The following SLC25A30 variants were observed in gnomAD, a reference collection of about 807,000 sequenced individuals.
SLC25A30 encodes the protein solute carrier family 25 member 30, also known as kidney mitochondrial carrier protein 1.
A neutral mutation model predicts 42.7 loss-of-function variants in SLC25A30; 29 were observed. The ratio of observed to expected loss-of-function variants is 0.68; its 90% CI spans 0.51 to 0.93. The LOEUF (loss-of-function observed/expected upper bound fraction) is 0.93, where lower values mean the gene tolerates loss of function less well. SLC25A30 is among the 40% of genes least tolerant of loss of function. The pLI, the probability that SLC25A30 is intolerant of heterozygous loss-of-function variation, is 0.00. For missense variants in SLC25A30, 300 were observed against 359.7 expected, an observed-to-expected ratio of 0.83 and a Z score of 1.34; for synonymous variants, 124 against 131.0, an observed-to-expected ratio of 0.95 and a Z score of 0.37.
At position 45,395,721 on chromosome 13, in the gene SLC25A30, A is replaced by G. The variant is rs576928712; in HGVS notation, c.*253T>C. On this transcript the variant is annotated 3_prime_UTR_variant, in exon 10 of 10. Transcript: ENST00000519676. ...CTTTAGCAAGAAACATGCATTTCAC[A>G]TATTATCTTTGATGTTGAAGGGCAC... 5.0e-5 allele frequency: 69 copies of G among 1,380,186 alleles called. No individual in the cohort carries two copies. Among genetic ancestry groups the G allele is most frequent in the Non-Finnish European group, 5.6e-5 (60 of 1,064,930 alleles). 85.5% of individuals were successfully genotyped at this position (1,380,186 alleles called of 1,614,324 possible).
Position 45,402,251 on chromosome 13 carries a change from G to C in SLC25A30, c.489+24C>G, listed in dbSNP as rs1446901858. ...AAGGAAAAAAGAACTAAATAAATCA[G>C]TTCGATCCATCCTTCTGGCTTACCT... On this transcript the variant is annotated intron_variant, in intron 6 of 9. Transcript: ENST00000519676. 3 of 1,556,880 alleles carry C rather than the reference G, an allele frequency of 1.9e-6. No individual in the cohort carries two copies. The African/African-American group carries it at 4.1e-5, about 21-fold the overall frequency.
At chr13:45,418,171 G>T (rs1883708336) in intron 1 of SLC25A30, 129 bp downstream of exon 1, 1 of 152,588 alleles carries the variant, frequency 6.6e-6, no homozygotes, top group South Asian at 2.1e-4. Context: ...GAGAGCACAG[G>T]CAGCCCCGAG....
chr13:45,425,234 T>TGTACGTATA, the SLC25A30 span, among the ~76,000 whole-genome samples: 1 of 103,102 alleles, frequency 9.7e-6, no homozygotes, highest in African/African-American at 4.1e-5. Flanking sequence ...ATATAAATAT[T>TGTACGTATA]TATACATATA....
chr13:45,423,886 T>A, the SLC25A30 span, among the ~76,000 whole-genome samples: 170 of 77,710 alleles, frequency 2.2e-3, 4 homozygotes, highest in Non-Finnish European at 3.1e-3. Flanking sequence ...TATAAAAATA[T>A]ATATATAAAT....
chr13:45,425,257 CG>C, the SLC25A30 span, among the ~76,000 whole-genome samples: 5 of 96,378 alleles, frequency 5.2e-5, no homozygotes, highest in Non-Finnish European at 7.3e-5. Flanking sequence ...AATATATATA[CG>C]TATATATACG....
the SLC25A30 span, among the ~76,000 whole-genome samples, chr13:45,424,158 T>TA: frequency 5.9e-4 from 59 of 99,234 alleles, 1 homozygote; most frequent in African/African-American, 2.5e-3. Flanking sequence ...AGTATATATA[T>TA]AGAAATATAT....
At chr13:45,397,771 C>T (rs1029137653) in intron 8 of SLC25A30, 3 of 357,680 alleles carry the variant, frequency 8.4e-6, no homozygotes, top group Non-Finnish European at 1.2e-5. Flanking sequence ...GAAGGACTGC[C>T]TAAGAAATCT....
chr13:45,418,940 CAAAAAAAAAAAAAAAAAAAAAAAAAAAA>C (rs1168457204), upstream of SLC25A30, among the ~76,000 whole-genome samples: 340 of 14,910 alleles, frequency 0.023, 13 homozygotes, highest in African/African-American at 0.052. Flanking sequence ...GACTTCGTCT[CAAAAAAAAAAAAAAAAAAAAAAAAAAAA>C]AAAAAAAAAA....
rs1881164463 is a variant in SLC25A30 at position 45,394,406 on chromosome 13, C to T, written c.*1568G>A. 1 of 985,398 alleles carries T rather than the reference C, an allele frequency of 1.0e-6. No homozygotes were observed. The highest frequency in any genetic ancestry group is 1.2e-6 in the Non-Finnish European group (1 of 829,942). 61.0% of individuals were successfully genotyped at this position (985,398 alleles called of 1,614,324 possible). On this transcript the variant is annotated 3_prime_UTR_variant, in exon 10 of 10. Transcript: ENST00000519676. ...CTCATCCTCCAAAAAAACCTGCAGTCCTTCTATTCAGTCTCAACAAAGAGA... is the reference window on the plus strand; with the variant it reads ...CTCATCCTCCAAAAAAACCTGCAGTTCTTCTATTCAGTCTCAACAAAGAGA...
rs1325907094 is a variant in SLC25A30, at chr13:45,394,114, G to A, written c.*1860C>T. ...TTTTGGAAAGAAGAAAAAATCCTAA[G>A]GTGTAGTTTAGAACAAGCAGCAAGG... On this transcript the variant is annotated 3_prime_UTR_variant, in exon 10 of 10. Transcript: ENST00000519676. 1 of 985,204 alleles carries A rather than the reference G, an allele frequency of 1.0e-6. No individual in the cohort carries two copies. The allele number at this position is 985,204 out of a possible 1,614,324, so 61.0% of individuals were successfully genotyped here. A position where few individuals can be genotyped will look rare whatever the true frequency, so the allele number is the denominator to read the frequency against.
At chr13:45,425,257 C>T in the SLC25A30 span, among the ~76,000 whole-genome samples, 24 of 96,378 alleles carry the variant, frequency 2.5e-4, no homozygotes, top group East Asian at 5.3e-4. Flanking sequence ...AATATATATA[C>T]GTATATATAC....
At chr13:45,420,023 GAGGGAGGAAGGA>G (rs1446054816), upstream of SLC25A30, among the ~76,000 whole-genome samples, 1 of 152,002 alleles carries the variant, frequency 6.6e-6, no homozygotes, top group Non-Finnish European at 1.5e-5. Context: ...AAAGGAGAAA[GAGGGAGGAAGGA>G]AGGGAGGAAG....
At chr13:45,423,191 G>A (rs1200968978), upstream of SLC25A30, among the ~76,000 whole-genome samples, 1 of 151,996 alleles carries the variant, frequency 6.6e-6, no homozygotes, top group African/African-American at 2.4e-5. Context: ...CAGGAAGACA[G>A]AGGTCAGGAT....
chr13:45,414,726 C>A (rs1168611323), intron 1 of SLC25A30, among the ~76,000 whole-genome samples: 3 of 151,984 alleles, frequency 2.0e-5, no homozygotes, highest in African/African-American at 7.3e-5. Context: ...CTAAGCTGTA[C>A]TGGCCACAGC....
At chr13:45,403,033 C>T (rs1024534884) in intron 5 of SLC25A30, among the ~76,000 whole-genome samples, 2 of 152,166 alleles carry the variant, frequency 1.3e-5, no homozygotes, top group African/African-American at 2.4e-5. Context: ...GGAGCAAATA[C>T]GTTACCACTA....
chr13:45,421,342 G>A (rs1007827671), upstream of SLC25A30, among the ~76,000 whole-genome samples: 1 of 131,072 alleles, frequency 7.6e-6, no homozygotes, highest in Non-Finnish European at 1.5e-5. Flanking sequence ...TCGTGCTACT[G>A]CACTCCAGCC....
chr13:45,424,805 T>G, the SLC25A30 span, among the ~76,000 whole-genome samples: 3 of 57,374 alleles, frequency 5.2e-5, no homozygotes, highest in East Asian at 3.9e-4. Context: ...TATAAATATA[T>G]AAAAAAATAT....
At chr13:45,428,621 C>A in the SLC25A30 span, among the ~76,000 whole-genome samples, 3 of 146,350 alleles carry the variant, frequency 2.0e-5, no homozygotes, top group Admixed American at 2.1e-4. Context: ...CTCCCAGGTT[C>A]AAGCGATTCT....
At position 45,394,576 on chromosome 13, in the gene SLC25A30, A is replaced by G. The variant is rs1273101918; in HGVS notation, c.*1398T>C. The G allele has an allele frequency of 3.0e-6, 3 of 985,296 alleles. No individual in the cohort carries two copies. The Admixed American group carries it at 1.8e-4, about 61-fold the overall frequency. 61.0% of individuals were successfully genotyped at this position (985,296 alleles called of 1,614,324 possible). ...CCCTGTCCTGTGGCTGCCTCCCAGA[A>G]GTGGAAGTTCTTGGGGTTCTCACAG... On this transcript the variant is annotated 3_prime_UTR_variant, in exon 10 of 10. Coordinates refer to ENST00000519676, the MANE Select transcript of SLC25A30 (RefSeq NM_001010875.4).
Sources: gnomAD v4.1 joint callset for allele counts (sites outside exome capture counted in the v4.1 genomes callset) on GRCh38, gnomAD v4.1.1 for gene constraint, MANE v1.5 for transcripts, NCBI Gene and HGNC (gene_info 2026-07-23, HGNC 2026-07-21) for gene names.